Variants in TMEM132D observed in about 807,000 individuals in gnomAD.
The protein encoded by TMEM132D is transmembrane protein 132D.
TMEM132D carries 21 observed loss-of-function variants against 62.3 expected under a neutral mutation model. That is an observed-to-expected ratio of 0.34 (90% CI 0.24 to 0.49). The LOEUF (loss-of-function observed/expected upper bound fraction) is 0.49. Ranked by LOEUF, TMEM132D falls within the 20% of genes least tolerant of loss-of-function variation. The pLI is 0.99. For synonymous variants in TMEM132D, 621 were observed against 575.6 expected, an observed-to-expected ratio of 1.08 and a Z score of -1.13; for missense variants, 1,346 against 1,402.8, an observed-to-expected ratio of 0.96 and a Z score of 0.65.
chr12:129,638,053 C>T (rs1879533678), intron 2 of TMEM132D, among the ~76,000 whole-genome samples: 1 of 152,154 alleles, frequency 6.6e-6, no homozygotes, highest in Non-Finnish European at 1.5e-5. Context: ...ATACTCACTC[C>T]CTGCACAATT....
chr12:129,761,610 CTCTCTCGGT>C (rs1565976782), intron 1 of TMEM132D, among the ~76,000 whole-genome samples: 1 of 152,218 alleles, frequency 6.6e-6, no homozygotes, highest in Non-Finnish European at 1.5e-5. Flanking sequence ...CTCTTCTGCT[CTCTCTCGGT>C]TCTCCGCGGT....
At chr12:129,704,662 C>G (rs1488322209) in intron 1 of TMEM132D, among the ~76,000 whole-genome samples, 1 of 152,202 alleles carries the variant, frequency 6.6e-6, no homozygotes, top group Non-Finnish European at 1.5e-5. Flanking sequence ...AGAGCATCCT[C>G]ACCGTCCCCC....
At chr12:129,306,623 C>T (rs1374942517) in intron 4 of TMEM132D, among the ~76,000 whole-genome samples, 1 of 152,166 alleles carries the variant, frequency 6.6e-6, no homozygotes, top group Non-Finnish European at 1.5e-5. Flanking sequence ...TTAATTCCTC[C>T]TATGTGGCAA....
chr12:129,261,690 G>A (rs1880553584), intron 4 of TMEM132D, among the ~76,000 whole-genome samples: 1 of 152,074 alleles, frequency 6.6e-6, no homozygotes, highest in African/African-American at 2.4e-5. Flanking sequence ...TCTCTCCTTG[G>A]CTTGCAGATG....
At chr12:129,748,168 C>A (rs758733506) in intron 1 of TMEM132D, among the ~76,000 whole-genome samples, 2 of 152,152 alleles carry the variant, frequency 1.3e-5, no homozygotes, top group Non-Finnish European at 2.9e-5. Context: ...GGCATAGAAG[C>A]AACAATGGCC....
chr12:129,116,436 C>T (rs1236076689), intron 5 of TMEM132D, among the ~76,000 whole-genome samples: 1 of 151,894 alleles, frequency 6.6e-6, no homozygotes, highest in East Asian at 1.9e-4. Flanking sequence ...TAGAAAGACC[C>T]TGGGAAGAAA....
chr12:129,137,191 A>AATCACCATCATC lies in TMEM132D; in HGVS notation c.1444-52501_1444-52490dup, dbSNP rs1360995788. Among the ~76,000 whole-genome samples, 11 of 139,350 alleles carry AATCACCATCATC rather than the reference A, an allele frequency of 7.9e-5. No individual in the cohort carries two copies. The East Asian group carries it at 2.2e-3, about 28-fold the overall frequency. The allele number at this position is 139,350 out of a possible 152,430, so 91.4% of individuals were successfully genotyped here. ...CCATCATCATCACCACCATCATCAC[A>AATCACCATCATC]ATCACCATCATCATCACCATCATCA... On this transcript the variant is annotated intron_variant, in intron 5 of 8. Coordinates refer to ENST00000422113, the MANE Select transcript of TMEM132D (RefSeq NM_133448.3).
intron 1 of TMEM132D, among the ~76,000 whole-genome samples, chr12:129,712,261 A>C (rs1023420213): frequency 3.9e-5 from 6 of 152,012 alleles, no homozygotes; most frequent in African/African-American, 1.5e-4. Flanking sequence ...AGTAGCTGAA[A>C]TTACAGGCTC....
intron 3 of TMEM132D, among the ~76,000 whole-genome samples, chr12:129,451,928 G>A (rs1012950299): frequency 6.6e-6 from 1 of 152,210 alleles, no homozygotes; most frequent in African/African-American, 2.4e-5. Flanking sequence ...ACCTCTTACA[G>A]TGAGTAAGGA....
chr12:129,628,916 TTCTA>T (rs369538098), intron 2 of TMEM132D, among the ~76,000 whole-genome samples: 5 of 151,280 alleles, frequency 3.3e-5, no homozygotes, highest in African/African-American at 9.7e-5. Context: ...CTTCCTTCAT[TTCTA>T]TCTCTCTTTC....
At chr12:129,220,763 G>A (rs1442916203) in intron 4 of TMEM132D, among the ~76,000 whole-genome samples, 1 of 151,968 alleles carries the variant, frequency 6.6e-6, no homozygotes, top group African/African-American at 2.4e-5. Flanking sequence ...ATGTCAAACG[G>A]ATACAAGAAT....
chr12:129,495,083 G>A (rs1316992366), intron 3 of TMEM132D, among the ~76,000 whole-genome samples: 1 of 152,140 alleles, frequency 6.6e-6, no homozygotes, highest in East Asian at 1.9e-4. Flanking sequence ...AAAACAGAAG[G>A]GAGTCTCAGC....
In TMEM132D at chr12:129,509,050, A is replaced by G. The variant is rs532478312; in HGVS notation, c.1115+22009T>C. Among the ~76,000 whole-genome samples the G allele has an allele frequency of 2.0e-5, 3 of 152,300 alleles. No individual in the cohort carries two copies. In the South Asian group the frequency reaches 6.2e-4, roughly 32 times the overall value. On this transcript the variant is annotated intron_variant, in intron 3 of 8. Coordinates refer to ENST00000422113, the MANE Select transcript of TMEM132D (RefSeq NM_133448.3). Reference sequence around the variant, plus strand: ...ACCATATTGCAATTCCTGATTACACACATTATTTACTGAACCTACCACTTT... The same window carrying G: ...ACCATATTGCAATTCCTGATTACACGCATTATTTACTGAACCTACCACTTT...
At chr12:129,554,433 C>T (rs947067955) in intron 2 of TMEM132D, among the ~76,000 whole-genome samples, 2 of 152,098 alleles carry the variant, frequency 1.3e-5, no homozygotes, top group Non-Finnish European at 2.9e-5. Flanking sequence ...GAGAGAGAAG[C>T]GTGCAGCAGA....
At chr12:129,678,521 T>C (rs1048989288) in intron 2 of TMEM132D, among the ~76,000 whole-genome samples, 5 of 152,168 alleles carry the variant, frequency 3.3e-5, no homozygotes, top group African/African-American at 9.6e-5. Flanking sequence ...GGTTATTTAT[T>C]TGAACAACAG....
chr12:129,510,531 C>T lies in TMEM132D; in HGVS notation c.1115+20528G>A, dbSNP rs562077452. Among the ~76,000 whole-genome samples the T allele has an allele frequency of 1.8e-3, 269 of 152,262 alleles. 1 individual carries two copies. Among genetic ancestry groups the T allele is most frequent in the African/African-American group, 6.0e-3 (249 of 41,554 alleles). On this transcript the variant is annotated intron_variant, in intron 3 of 8. Transcript: ENST00000422113. ...GCTTGTGGGTTAGTACCTAAGAAATCTTTGCCCAGATCAATGTCCTAGAGA... is the reference window on the plus strand; with the variant it reads ...GCTTGTGGGTTAGTACCTAAGAAATTTTTGCCCAGATCAATGTCCTAGAGA...
intron 2 of TMEM132D, among the ~76,000 whole-genome samples, chr12:129,652,780 C>T (rs1879964586): frequency 6.6e-6 from 1 of 152,200 alleles, no homozygotes; most frequent in Non-Finnish European, 1.5e-5. Context: ...CTGCTTTCAG[C>T]CACCAAAGCT....
At chr12:129,671,822 G>A (rs574551137) in intron 2 of TMEM132D, among the ~76,000 whole-genome samples, 5 of 152,208 alleles carry the variant, frequency 3.3e-5, no homozygotes, top group African/African-American at 7.2e-5. Context: ...TTGAAAGAAG[G>A]AGAAAGGAAA....
At chr12:129,594,355 C>T (rs552184704) in intron 2 of TMEM132D, among the ~76,000 whole-genome samples, 4 of 152,180 alleles carry the variant, frequency 2.6e-5, no homozygotes, top group East Asian at 1.9e-4. Context: ...TGCACACTAA[C>T]GTCACATCAA....
Sources: gnomAD v4.1 joint callset for allele counts (sites outside exome capture counted in the v4.1 genomes callset) on GRCh38, gnomAD v4.1.1 for gene constraint, MANE v1.5 for transcripts, NCBI Gene and HGNC (gene_info 2026-07-23, HGNC 2026-07-21) for gene names.